Variants in COG4 observed in about 807,000 individuals in gnomAD.
COG4 encodes the protein conserved oligomeric Golgi complex subunit 4.
In COG4, 65 loss-of-function variants were observed where a neutral mutation model predicts 95.1. The ratio of observed to expected loss-of-function variants is 0.68; its 90% CI spans 0.56 to 0.84. The LOEUF is 0.84. Ranked by LOEUF, COG4 falls within the 40% of genes least tolerant of loss-of-function variation. The pLI is 0.00. For synonymous variants in COG4, 421 were observed against 374.8 expected, an observed-to-expected ratio of 1.12 and a Z score of -1.42; for missense variants, 1,045 against 989.1, an observed-to-expected ratio of 1.06 and a Z score of -0.76.
chr16:70,484,872 G>C (rs892310955), intron 13 of COG4, among the ~76,000 whole-genome samples: 1 of 152,004 alleles, frequency 6.6e-6, no homozygotes, highest in Non-Finnish European at 1.5e-5. Flanking sequence ...ACTCCAGCCC[G>C]GGCAGCAGAG....
At chr16:70,512,019 G>A (rs796896954) in intron 5 of COG4, among the ~76,000 whole-genome samples, 5 of 144,916 alleles carry the variant, frequency 3.5e-5, no homozygotes, top group African/African-American at 1.5e-4. Context: ...AAATGAATGT[G>A]CACTGGCAGA....
Position 70,496,129 on chromosome 16 carries a change from T to C in COG4, c.1647+137A>G, listed in dbSNP as rs1235471114. 3 of 922,396 alleles carry C rather than the reference T, an allele frequency of 3.3e-6. No individual in the cohort carries two copies. The Admixed American group carries it at 6.0e-5, about 19-fold the overall frequency. 57.1% of individuals were successfully genotyped at this position (922,396 alleles called of 1,614,324 possible). A position where few individuals can be genotyped will look rare whatever the true frequency, so the allele number is the denominator to read the frequency against. On this transcript the variant is annotated intron_variant, in intron 12 of 18. Transcript: ENST00000323786. ...CAGAACCTTCTGGGAGGAAATTCCCTTAAAGGAGGAATTTTCCTTCTATAT... is the reference window on the plus strand; with the variant it reads ...CAGAACCTTCTGGGAGGAAATTCCCCTAAAGGAGGAATTTTCCTTCTATAT...
intron 8 of COG4, among the ~76,000 whole-genome samples, chr16:70,507,664 T>C (rs1315063694): frequency 1.3e-5 from 2 of 151,868 alleles, no homozygotes; most frequent in African/African-American, 2.4e-5. Flanking sequence ...AGTTCGAGAC[T>C]AACCTGGCCA....
rs1255647531 is a variant in COG4 at position 70,481,025 on chromosome 16, C to T, written c.2355G>A (p.Lys785=). Residue 785 remains lysine (K), a synonymous_variant, in exon 19 of 19, where the codon AAG becomes AAA. Coordinates refer to ENST00000323786, the MANE Select transcript of COG4 (RefSeq NM_015386.3). ...ATCCAGGCAGCTACAGGCGCAGCCT[C>T]TTGATATCTTCACTGCGGAAGTCTA... ...LRIDFRSEDI[K]RLRL The T allele has an allele frequency of 6.2e-7, 1 of 1,612,918 alleles. No individual in the cohort carries two copies. Among genetic ancestry groups the T allele is most frequent in the Non-Finnish European group, 8.5e-7 (1 of 1,180,032 alleles).
intron 3 of COG4, among the ~76,000 whole-genome samples, chr16:70,516,722 G>A (rs181441090): frequency 1.3e-4 from 20 of 151,516 alleles, no homozygotes; most frequent in Admixed American, 1.2e-3. Context: ...TCTCTAATGT[G>A]GTAGCTTTTT....
At chr16:70,504,609 T>TAAAAAAAAAAAAAAA (rs66751123) in intron 8 of COG4, among the ~76,000 whole-genome samples, 102 of 121,928 alleles carry the variant, frequency 8.4e-4, no homozygotes, top group Middle Eastern at 8.0e-3. Context: ...AGATTCTATT[T>TAAAAAAAAAAAAAAA]AAAAAAAAAA....
Position 70,522,441 on chromosome 16 carries a change from G to T in COG4, c.171+932C>A, listed in dbSNP as rs573388955. Among the ~76,000 whole-genome samples the T allele has an allele frequency of 1.4e-4, 21 of 152,276 alleles. No individual in the cohort carries two copies. The South Asian group carries it at 4.4e-3, about 32-fold the overall frequency. Reference sequence around the variant, plus strand: ...ACTCCAGCCTGCGCAACAGAGAGCGGCCCTGTTTCTAAAAATAACAAAACA... The same window carrying T: ...ACTCCAGCCTGCGCAACAGAGAGCGTCCCTGTTTCTAAAAATAACAAAACA... On this transcript the variant is annotated intron_variant, in intron 1 of 18. Coordinates refer to ENST00000323786, the MANE Select transcript of COG4 (RefSeq NM_015386.3).
At chr16:70,516,727 CT>C (rs567273996) in intron 3 of COG4, among the ~76,000 whole-genome samples, 47 of 148,326 alleles carry the variant, frequency 3.2e-4, no homozygotes, top group Non-Finnish European at 4.3e-4. Context: ...AATGTGGTAG[CT>C]TTTTTTTTTA....
intron 4 of COG4, among the ~76,000 whole-genome samples, chr16:70,513,664 C>A (rs2049758799): frequency 6.6e-6 from 1 of 152,178 alleles, no homozygotes; most frequent in African/African-American, 2.4e-5. Context: ...ACTTACCCTT[C>A]TTGTGATGAA....
At chr16:70,487,257 C>G (rs1181056955) in intron 13 of COG4, among the ~76,000 whole-genome samples, 1 of 142,860 alleles carries the variant, frequency 7.0e-6, no homozygotes, top group African/African-American at 2.6e-5. Flanking sequence ...GCCTGGGCAA[C>G]AGAGTGAGAA....
chr16:70,497,146 G>A, intron 11 of COG4, 75 bp downstream of exon 11: 3 of 1,388,408 alleles, frequency 2.2e-6, no homozygotes, highest in Non-Finnish European at 3.1e-6. Flanking sequence ...AGGACAAAGG[G>A]CAGAAACAAA....
intron 7 of COG4, chr16:70,508,811 G>GA (rs1567389273): frequency 5.4e-6 from 3 of 552,306 alleles, no homozygotes; most frequent in Non-Finnish European, 1.0e-5. Context: ...TCAAAAGAAG[G>GA]AAAAAACAAA....
In COG4 at chr16:70,509,815, G is replaced by A. The variant is rs2049660221; in HGVS notation, c.844+101C>T. On this transcript the variant is annotated intron_variant, in intron 6 of 18. Transcript: ENST00000323786. ...TCAATTAATACACAATAAACTACAT[G>A]ATTAAATTAAAGTCATCAGGCTAGA... 11 of 847,630 alleles carry A rather than the reference G, an allele frequency of 1.3e-5. No individual in the cohort carries two copies. The South Asian group carries it at 1.4e-4, about 11-fold the overall frequency. The allele number at this position is 847,630 out of a possible 1,614,324, so 52.5% of individuals were successfully genotyped here. A position where few individuals can be genotyped will look rare whatever the true frequency, so the allele number is the denominator to read the frequency against.
intron 16 of COG4, 71 bp downstream of exon 16, chr16:70,482,021 A>C: frequency 1.4e-6 from 2 of 1,404,566 alleles, no homozygotes; most frequent in Non-Finnish European, 2.0e-6. Context: ...GAATGTGATG[A>C]GACCCTGCAG....
intron 12 of COG4, among the ~76,000 whole-genome samples, chr16:70,494,545 C>G (rs1346741676): frequency 6.6e-6 from 1 of 152,156 alleles, no homozygotes; most frequent in Non-Finnish European, 1.5e-5. Flanking sequence ...AACAATGAAA[C>G]TGTGTTAATG....
At chr16:70,516,301 ATTTT>A (rs530207617) in intron 3 of COG4, among the ~76,000 whole-genome samples, 1 of 143,812 alleles carries the variant, frequency 7.0e-6, no homozygotes, top group Non-Finnish European at 1.5e-5. Context: ...GTTGAGTTAA[ATTTT>A]TTTTTTTTTT....
At chr16:70,481,216 G>A in intron 18 of COG4, 72 bp from the exon 19 acceptor site, 2 of 1,609,390 alleles carry the variant, frequency 1.2e-6, no homozygotes, top group Admixed American at 1.7e-5. Flanking sequence ...CCTCTACCAG[G>A]GGCAGAGCAG....
At position 70,514,401 on chromosome 16, in the gene COG4, C is replaced by CT. The variant is rs2049779474; in HGVS notation, c.477dup (p.Ala160SerfsTer15). The CT allele has an allele frequency of 6.2e-7, 1 of 1,613,958 alleles. No homozygotes were observed. Among genetic ancestry groups the CT allele is most frequent in the Admixed American group, 1.7e-5 (1 of 59,982 alleles). ...AGGCACAAGTAGCGATGAGTATGTG[C>CT]TGCAGCCTGCTCATAATCTTCACTC... On this transcript the variant is annotated frameshift_variant, in exon 4 of 19. Transcript: ENST00000323786. LOFTEE classifies it high-confidence loss of function.
intron 7 of COG4, chr16:70,508,714 C>T (rs1169078779): frequency 1.6e-6 from 1 of 644,680 alleles, no homozygotes; most frequent in South Asian, 1.6e-5. Flanking sequence ...CAATAGACTA[C>T]TGTTTATAGT....
Sources: allele counts gnomAD v4.1 joint callset (sites outside exome capture counted in the v4.1 genomes callset), GRCh38; gene constraint gnomAD v4.1.1; transcripts MANE v1.5; gene names NCBI Gene and HGNC (gene_info 2026-07-23, HGNC 2026-07-21).